Variants in UBR1 observed in about 807,000 individuals in gnomAD.
The protein encoded by UBR1 is E3 ubiquitin-protein ligase UBR1.
In UBR1, 102 loss-of-function variants were observed where a neutral mutation model predicts 242.1. The observed-to-expected ratio is 0.42, with a 90% CI of 0.36 to 0.50. The LOEUF is 0.50. Among genes scored for constraint, UBR1 ranks in the 20% least tolerant of loss-of-function variants. UBR1 has a pLI of 0.01. For missense variants in UBR1, 1,772 were observed against 2,101.8 expected (o/e 0.84, Z 3.07); for synonymous variants, 675 against 684.8 (o/e 0.99, Z 0.22).
chr15:43,068,089 T>TAAAAAAAAAAAAAAAAAAAAAAAAAA, intron 5 of UBR1, 53 bp from the exon 6 acceptor site: 5 of 787,316 alleles, frequency 6.4e-6, no homozygotes, highest in East Asian at 3.9e-5. Flanking sequence ...AAAGGAAAAG[T>TAAAAAAAAAAAAAAAAAAAAAAAAAA]AAAAAAAAAA....
At chr15:43,051,485 C>G (rs1404042776) in intron 12 of UBR1, among the ~76,000 whole-genome samples, 1 of 152,092 alleles carries the variant, frequency 6.6e-6, no homozygotes, top group Non-Finnish European at 1.5e-5. Flanking sequence ...AGGCTTAATA[C>G]TTGGGTGACA....
At chr15:43,070,760 C>G in intron 5 of UBR1, 35 bp downstream of exon 5, 1 of 1,610,458 alleles carries the variant, frequency 6.2e-7, no homozygotes, top group Non-Finnish European at 8.5e-7. Context: ...AAATAACCAT[C>G]ACTAAAACTT....
chr15:43,003,162 C>T (rs1307576948), intron 31 of UBR1: 1 of 182,572 alleles, frequency 5.5e-6, no homozygotes, highest in Admixed American at 5.5e-5. Context: ...TTGTCCTATT[C>T]ATCCTATTCT....
intron 5 of UBR1, 27 bp downstream of exon 5, chr15:43,070,768 C>T: frequency 6.2e-7 from 1 of 1,611,478 alleles, no homozygotes; most frequent in South Asian, 1.1e-5. Flanking sequence ...ATCACTAAAA[C>T]TTGTTCCGTT....
intron 19 of UBR1, among the ~76,000 whole-genome samples, chr15:43,034,701 C>A (rs1025295462): frequency 7.9e-5 from 12 of 151,900 alleles, no homozygotes; most frequent in Admixed American, 6.6e-5. Context: ...GCCTGGCCAA[C>A]ATGGAGAAAC....
In UBR1 at chr15:43,105,994, T is replaced by G. The variant is rs375377043; in HGVS notation, c.29A>C (p.Glu10Ala). The stretch of plus-strand genomic sequence containing the variant: ...TAACTCCGCGCTGATTTCCATCCTC[T>G]CAGTACCTCCAGCCTCCTCGTCCGC... MADEEAGGT[E>A]RMEISAELPQ... The change falls in exon 1 of 47, where the codon GAG becomes GCG. Residue 10 changes from glutamate (E) to alanine (A), a missense_variant. Coordinates refer to ENST00000290650, the MANE Select transcript of UBR1 (RefSeq NM_174916.3). 2 of 1,613,746 alleles carry G rather than the reference T, an allele frequency of 1.2e-6. No individual in the cohort carries two copies. Among genetic ancestry groups the G allele is most frequent in the African/African-American group, 1.3e-5 (1 of 74,840 alleles).
At chr15:43,059,969 C>A (rs986434567) in intron 7 of UBR1, 83 bp downstream of exon 7, 2 of 1,563,260 alleles carry the variant, frequency 1.3e-6, no homozygotes, top group Non-Finnish European at 1.8e-6. Context: ...TCAACGACAT[C>A]ATCACTCAAA....
At chr15:43,007,031 A>C in intron 30 of UBR1, 48 bp downstream of exon 30, 1 of 1,569,664 alleles carries the variant, frequency 6.4e-7, no homozygotes, top group Non-Finnish European at 8.8e-7. Flanking sequence ...TTAATTACAC[A>C]GGCATGAAAA....
chr15:43,031,415 C>T (rs1159308527), intron 20 of UBR1, among the ~76,000 whole-genome samples: 1 of 152,136 alleles, frequency 6.6e-6, no homozygotes, highest in Non-Finnish European at 1.5e-5. Flanking sequence ...CTTGAGTTTT[C>T]CTAATTTGAA....
chr15:43,051,592 T>TA (rs889589303), intron 12 of UBR1, among the ~76,000 whole-genome samples: 3 of 151,972 alleles, frequency 2.0e-5, no homozygotes, highest in African/African-American at 4.8e-5. Context: ...AAATAAAAAT[T>TA]AAAAAAAGCA....
At chr15:43,010,089 G>A (rs1485948578) in intron 29 of UBR1, among the ~76,000 whole-genome samples, 1 of 152,162 alleles carries the variant, frequency 6.6e-6, no homozygotes, top group African/African-American at 2.4e-5. Flanking sequence ...GGCCAGGCTG[G>A]TCTCAAACTC....
In UBR1 at chr15:42,998,168, CT is replaced by C; in HGVS notation, c.3756del (p.Gly1253GlufsTer24). 6.2e-7 allele frequency: 1 copy of C among 1,612,012 alleles called. No individual in the cohort carries two copies. Among genetic ancestry groups the C allele is most frequent in the South Asian group, 1.1e-5 (1 of 90,966 alleles). ...TAATATAAAATAAATTTAAGCAAAC[CT>C]TTAGCATGTCTTATATTATAACCTG... is the stretch of plus-strand genomic sequence containing the variant. ...RISGYNIRHA[K>X]GENPIPIFFN... On this transcript the variant is annotated frameshift_variant and splice_region_variant, in exon 33 of 47. Transcript: ENST00000290650. LOFTEE classifies it high-confidence loss of function.
chr15:43,099,600 T>A (rs1016063095), intron 1 of UBR1, among the ~76,000 whole-genome samples: 2 of 152,172 alleles, frequency 1.3e-5, no homozygotes, highest in African/African-American at 4.8e-5. Flanking sequence ...AATGTTAATA[T>A]CTCTTAACAT....
At chr15:43,049,663 A>G (rs1430059558) in intron 12 of UBR1, among the ~76,000 whole-genome samples, 2 of 152,238 alleles carry the variant, frequency 1.3e-5, no homozygotes. Flanking sequence ...CTCTTTAGAT[A>G]CCCATTAACA....
chr15:42,956,440 C>A (rs865961846), intron 44 of UBR1, among the ~76,000 whole-genome samples: 1 of 152,216 alleles, frequency 6.6e-6, no homozygotes, highest in Non-Finnish European at 1.5e-5. Context: ...ACGCCTCAGC[C>A]TCCCAAGTAG....
chr15:43,082,791 T>A (rs1470802841), intron 2 of UBR1, 75 bp from the exon 3 acceptor site: 1 of 1,084,446 alleles, frequency 9.2e-7, no homozygotes, highest in East Asian at 2.4e-5. Flanking sequence ...TATAATACAA[T>A]GTGAACAAGT....
chr15:42,960,716 A>G lies in UBR1; in HGVS notation c.4701-15T>C, dbSNP rs771552401. The G allele has an allele frequency of 2.4e-5, 38 of 1,613,374 alleles. No individual in the cohort carries two copies. Among genetic ancestry groups the G allele is most frequent in the Non-Finnish European group, 3.0e-5 (35 of 1,179,530 alleles). ...CTGCACACCACCTGTATGTGGAGCC[A>G]AGAGAAAAGACAAATGGATTATCAC... On this transcript the variant is annotated splice_polypyrimidine_tract_variant and intron_variant, in intron 42 of 46. Transcript: ENST00000290650.
At chr15:42,969,566 G>T (rs895609182) in intron 40 of UBR1, among the ~76,000 whole-genome samples, 3 of 151,934 alleles carry the variant, frequency 2.0e-5, no homozygotes, top group African/African-American at 4.8e-5. Flanking sequence ...ATTGCTTTTG[G>T]TGTTTTAGTC....
chr15:43,066,783 A>T (rs1596127513), intron 6 of UBR1, among the ~76,000 whole-genome samples: 1 of 152,086 alleles, frequency 6.6e-6, no homozygotes, highest in African/African-American at 2.4e-5. Context: ...CAAAATTTGC[A>T]TTGTTTTGTT....
Sources: gnomAD v4.1 joint callset for allele counts (sites outside exome capture counted in the v4.1 genomes callset) on GRCh38, gnomAD v4.1.1 for gene constraint, MANE v1.5 for transcripts, NCBI Gene and HGNC (gene_info 2026-07-23, HGNC 2026-07-21) for gene names.